CHCHD6: variants seen among roughly 807,000 people sequenced by gnomAD.
CHCHD6 encodes the protein MICOS complex subunit MIC25.
A neutral mutation model predicts 32.3 loss-of-function variants in CHCHD6; 28 were observed. The ratio of observed to expected loss-of-function variants is 0.87; its 90% CI spans 0.64 to 1.19. The LOEUF (loss-of-function observed/expected upper bound fraction) is 1.19, where lower values mean the gene tolerates loss of function less well. Among genes scored for constraint, CHCHD6 ranks in the 50% most tolerant of loss-of-function variants. CHCHD6 has a pLI of 0.00. For synonymous variants in CHCHD6, 122 were observed against 117.5 expected (o/e 1.04, Z -0.25); for missense variants, 333 against 307.0 (o/e 1.08, Z -0.63).
chr3:126,858,925 T>C (rs79766161), intron 5 of CHCHD6, among the ~76,000 whole-genome samples: 4,241 of 152,260 alleles, frequency 0.028, 139 homozygotes, highest in East Asian at 0.16. Flanking sequence ...CACCGCAGAA[T>C]CGCCTGCTGC....
chr3:126,852,175 C>T (rs1941496990), intron 4 of CHCHD6, among the ~76,000 whole-genome samples: 4 of 152,222 alleles, frequency 2.6e-5, no homozygotes, highest in Admixed American at 2.6e-4. Context: ...AAGGCCAGCA[C>T]ATAGCTGTGT....
chr3:126,796,527 C>A (rs191076314), intron 4 of CHCHD6, among the ~76,000 whole-genome samples: 1 of 152,136 alleles, frequency 6.6e-6, no homozygotes, highest in Admixed American at 6.5e-5. Flanking sequence ...GTAATTTTTC[C>A]AAGAGAAGGA....
At chr3:126,707,836 G>A (rs1934567059) in intron 1 of CHCHD6, among the ~76,000 whole-genome samples, 4 of 152,352 alleles carry the variant, frequency 2.6e-5, no homozygotes, top group Admixed American at 1.3e-4. Flanking sequence ...GTGCCAGAGC[G>A]CTGCACCTGC....
At chr3:126,958,247 C>T (rs1186498011) in intron 7 of CHCHD6, among the ~76,000 whole-genome samples, 1 of 152,046 alleles carries the variant, frequency 6.6e-6, no homozygotes, top group Admixed American at 6.5e-5. Context: ...AGGCTGTTCC[C>T]AGCCATACCT....
chr3:126,743,856 G>A (rs1380235735), intron 4 of CHCHD6, among the ~76,000 whole-genome samples: 1 of 152,200 alleles, frequency 6.6e-6, no homozygotes, highest in African/African-American at 2.4e-5. Context: ...TTGAACAGAG[G>A]TCTTACGTGG....
chr3:126,728,372 C>T (rs1476856472), intron 2 of CHCHD6, among the ~76,000 whole-genome samples: 7 of 152,156 alleles, frequency 4.6e-5, no homozygotes, highest in Non-Finnish European at 8.8e-5. Flanking sequence ...GTGGGCACTG[C>T]GAATGGGCAG....
intron 4 of CHCHD6, among the ~76,000 whole-genome samples, chr3:126,744,001 G>A (rs1352179029): frequency 6.6e-6 from 1 of 152,224 alleles, no homozygotes. Flanking sequence ...CTGCTGCCAT[G>A]CTTGCTGTAC....
intron 4 of CHCHD6, among the ~76,000 whole-genome samples, chr3:126,749,818 TG>T (rs774667939): frequency 3.5e-4 from 53 of 152,342 alleles, no homozygotes; most frequent in Middle Eastern, 3.4e-3. Flanking sequence ...GATAGTCACA[TG>T]ACCACTGCTA....
chr3:126,948,888 A>G (rs1027121241), intron 6 of CHCHD6, among the ~76,000 whole-genome samples: 2 of 152,254 alleles, frequency 1.3e-5, no homozygotes, highest in Non-Finnish European at 2.9e-5. Context: ...TCTCCCTGGA[A>G]GATCACAGTT....
At chr3:126,754,015 T>TA (rs1181752492) in intron 4 of CHCHD6, among the ~76,000 whole-genome samples, 4 of 152,204 alleles carry the variant, frequency 2.6e-5, no homozygotes, top group African/African-American at 9.6e-5. Flanking sequence ...CATGCTTCCT[T>TA]AGAGTCCCAG....
At chr3:126,732,819 G>T (rs1935869797) in intron 3 of CHCHD6, among the ~76,000 whole-genome samples, 1 of 152,186 alleles carries the variant, frequency 6.6e-6, no homozygotes, top group African/African-American at 2.4e-5. Flanking sequence ...ACTTGGCCAG[G>T]TCTCCTCCTG....
chr3:126,780,472 A>C (rs1937881315), intron 4 of CHCHD6: 1 of 296,996 alleles, frequency 3.4e-6, no homozygotes, highest in East Asian at 1.0e-4. Context: ...GTCCAGAGGT[A>C]GCTGATGCAT....
intron 4 of CHCHD6, among the ~76,000 whole-genome samples, chr3:126,823,971 G>A (rs746063802): frequency 1.3e-5 from 2 of 151,938 alleles, no homozygotes; most frequent in Non-Finnish European, 2.9e-5. Context: ...GCTACTCAGG[G>A]TGCTGAAGCA....
At position 126,946,048 on chromosome 3, in the gene CHCHD6, C is replaced by T. The variant is rs1025298603; in HGVS notation, c.567-11368C>T. 2.6e-5 allele frequency among the ~76,000 whole-genome samples: 4 copies of T among 152,060 alleles called. No individual in the cohort carries two copies. In the East Asian group the frequency reaches 7.8e-4, roughly 30 times the overall value. On this transcript the variant is annotated intron_variant, in intron 6 of 7. Coordinates refer to ENST00000290913, the MANE Select transcript of CHCHD6 (RefSeq NM_032343.3). Reference sequence around the variant, plus strand: ...CACGTCATAGGATTGTGCTCAAGAGCCTCCCGCAGCCCCACACAGAGCAGG... The same window carrying T: ...CACGTCATAGGATTGTGCTCAAGAGTCTCCCGCAGCCCCACACAGAGCAGG...
chr3:126,853,357 A>C (rs2107552685), intron 5 of CHCHD6, among the ~76,000 whole-genome samples: 1 of 152,164 alleles, frequency 6.6e-6, no homozygotes, highest in African/African-American at 2.4e-5. Flanking sequence ...TTTTCAAAGA[A>C]ATGGCTTAAA....
chr3:126,775,508 T>C (rs755317385), intron 4 of CHCHD6, among the ~76,000 whole-genome samples: 62 of 152,172 alleles, frequency 4.1e-4, no homozygotes, highest in Non-Finnish European at 6.5e-4. Context: ...GAGCAGAGAA[T>C]TTGATTTCAA....
intron 5 of CHCHD6, among the ~76,000 whole-genome samples, chr3:126,913,914 G>A (rs911987274): frequency 1.3e-5 from 2 of 152,250 alleles, no homozygotes; most frequent in African/African-American, 4.8e-5. Flanking sequence ...CACGGTGGTG[G>A]CATCAGGGCT....
chr3:126,859,038 G>C (rs1941763884), intron 5 of CHCHD6, among the ~76,000 whole-genome samples: 1 of 152,250 alleles, frequency 6.6e-6, no homozygotes, highest in Non-Finnish European at 1.5e-5. Flanking sequence ...GCATCTGTGA[G>C]CACAGTCCTT....
At chr3:126,821,786 A>G (rs1441776139) in intron 4 of CHCHD6, among the ~76,000 whole-genome samples, 1 of 150,750 alleles carries the variant, frequency 6.6e-6, no homozygotes, top group African/African-American at 2.5e-5. Flanking sequence ...GTGAAGTGGT[A>G]TCTCATTGTG....
Sources: allele counts gnomAD v4.1 joint callset (sites outside exome capture counted in the v4.1 genomes callset), GRCh38; gene constraint gnomAD v4.1.1; transcripts MANE v1.5; gene names NCBI Gene and HGNC (gene_info 2026-07-23, HGNC 2026-07-21).